Variants in PIP5K1B observed in about 807,000 individuals in gnomAD.
PIP5K1B encodes phosphatidylinositol-4-phosphate 5-kinase type 1 beta.
PIP5K1B carries 42 observed loss-of-function variants against 67.0 expected under a neutral mutation model. That is an observed-to-expected ratio of 0.63 (90% CI 0.49 to 0.81). The LOEUF (loss-of-function observed/expected upper bound fraction) is 0.81. Among genes scored for constraint, PIP5K1B ranks in the 30% least tolerant of loss-of-function variants. PIP5K1B has a pLI of 0.00. For missense variants in PIP5K1B, 459 were observed against 646.3 expected, an observed-to-expected ratio of 0.71 and a Z score of 3.14; for synonymous variants, 214 against 231.4, an observed-to-expected ratio of 0.92 and a Z score of 0.68.
At chr9:68,854,951 A>G (rs1377508510) in intron 4 of PIP5K1B, among the ~76,000 whole-genome samples, 1 of 152,088 alleles carries the variant, frequency 6.6e-6, no homozygotes, top group East Asian at 1.9e-4. Context: ...TTATTTTTCT[A>G]AGTTAAGGAT....
At chr9:68,931,528 G>A (rs10781283) in intron 12 of PIP5K1B, among the ~76,000 whole-genome samples, 96,909 of 152,028 alleles carry the variant, frequency 0.64, 34,597 homozygotes, top group Non-Finnish European at 0.78. Flanking sequence ...ATGGGTACGC[G>A]GAGAGAAATA....
At position 68,894,468 on chromosome 9, in the gene PIP5K1B, A is replaced by T; in HGVS notation, c.601A>T (p.Thr201Ser). 1.2e-6 allele frequency: 2 copies of T among 1,614,174 alleles called. No individual in the cohort carries two copies. Among genetic ancestry groups the T allele is most frequent in the Non-Finnish European group, 1.7e-6 (2 of 1,180,008 alleles). ...GCCACGCTCCATGAGAATGCACTTTACATATGACTTGAAAGGCTCAACGTA... is the reference window on the plus strand; with the variant it reads ...GCCACGCTCCATGAGAATGCACTTTTCATATGACTTGAAAGGCTCAACGTA... Reference protein sequence around the residue: ...VLPRSMRMHFTYDLKGSTYKR... With the variant: ...VLPRSMRMHFSYDLKGSTYKR... Residue 201 changes from threonine (T) to serine (S), a missense_variant, in exon 8 of 16, where the codon ACA becomes TCA. This residue lies in a region of PIP5K1B where 290 missense variants were observed against 474.4 expected (regional missense o/e 0.61). Transcript: ENST00000265382.
intron 14 of PIP5K1B, among the ~76,000 whole-genome samples, chr9:68,955,818 T>G (rs1828357810): frequency 1.3e-5 from 2 of 152,256 alleles, no homozygotes; most frequent in South Asian, 4.1e-4. Context: ...TACCATTAAT[T>G]CATGCACATT....
chr9:68,933,237 A>G (rs954264271), intron 12 of PIP5K1B, among the ~76,000 whole-genome samples: 2 of 152,166 alleles, frequency 1.3e-5, no homozygotes, highest in African/African-American at 2.4e-5. Context: ...ATGTATACCT[A>G]TGTAACAAAC....
intron 3 of PIP5K1B, among the ~76,000 whole-genome samples, chr9:68,818,899 T>G (rs971485918): frequency 6.6e-6 from 1 of 152,218 alleles, no homozygotes; most frequent in African/African-American, 2.4e-5. Flanking sequence ...GCATTTATAA[T>G]CCCATCATCT....
chr9:68,910,030 G>A (rs775670066), intron 8 of PIP5K1B, among the ~76,000 whole-genome samples: 7 of 152,136 alleles, frequency 4.6e-5, no homozygotes, highest in Non-Finnish European at 1.0e-4. Context: ...AACTAAGAAG[G>A]CCTTGAGATG....
chr9:68,991,793 G>T (rs1830375926), intron 15 of PIP5K1B, among the ~76,000 whole-genome samples: 1 of 152,190 alleles, frequency 6.6e-6, no homozygotes, highest in Non-Finnish European at 1.5e-5. Context: ...TTACAAGGCT[G>T]CTTTGAGGAT....
intron 2 of PIP5K1B, among the ~76,000 whole-genome samples, chr9:68,811,956 G>A (rs538025708): frequency 5.3e-5 from 8 of 152,306 alleles, no homozygotes; most frequent in Admixed American, 1.3e-4. Context: ...GTTTCAGTGT[G>A]TGGCCCCAGA....
chr9:68,965,892 TG>T (rs1246889583), intron 14 of PIP5K1B, among the ~76,000 whole-genome samples: 1 of 149,660 alleles, frequency 6.7e-6, no homozygotes, highest in African/African-American at 2.5e-5. Context: ...GAGAATCGCT[TG>T]AACCCAGGAG....
intron 14 of PIP5K1B, among the ~76,000 whole-genome samples, chr9:68,989,094 C>CAAAA (rs71353097): frequency 0.038 from 2,109 of 55,924 alleles, 386 homozygotes; most frequent in East Asian, 0.15. Flanking sequence ...GACTCCGTCT[C>CAAAA]AAAAAAAAAA....
chr9:68,752,203 T>C (rs1829667009), intron 2 of PIP5K1B, among the ~76,000 whole-genome samples: 1 of 152,236 alleles, frequency 6.6e-6, no homozygotes, highest in South Asian at 2.1e-4. Context: ...TTGCCCATAG[T>C]AGGTGCCCAA....
At chr9:68,825,602 A>G (rs558136474) in intron 4 of PIP5K1B, among the ~76,000 whole-genome samples, 3 of 152,316 alleles carry the variant, frequency 2.0e-5, no homozygotes, top group Admixed American at 1.3e-4. Context: ...CAGATTTACT[A>G]AGAAGCTTTG....
intron 1 of PIP5K1B, among the ~76,000 whole-genome samples, chr9:68,721,113 G>A (rs1291681249): frequency 6.6e-6 from 1 of 152,156 alleles, no homozygotes; most frequent in East Asian, 1.9e-4. Context: ...TATCGGGCCA[G>A]ACCATCGACA....
chr9:68,865,334 T>C (rs1346434784), intron 5 of PIP5K1B, among the ~76,000 whole-genome samples: 3 of 152,204 alleles, frequency 2.0e-5, no homozygotes, highest in African/African-American at 4.8e-5. Flanking sequence ...TACATGTTTT[T>C]CTCTTAAAAG....
chr9:68,978,187 A>G (rs567842634), intron 14 of PIP5K1B, among the ~76,000 whole-genome samples: 2 of 152,306 alleles, frequency 1.3e-5, no homozygotes, highest in Admixed American at 6.5e-5. Flanking sequence ...TCTCAAGTAC[A>G]CAATACGTGA....
intron 4 of PIP5K1B, among the ~76,000 whole-genome samples, chr9:68,860,470 C>T (rs1823005202): frequency 6.6e-6 from 1 of 152,196 alleles, no homozygotes; most frequent in Non-Finnish European, 1.5e-5. Context: ...TTTTCCTTGG[C>T]TTACCCGTGG....
chr9:68,927,548 T>A (rs552261674), intron 12 of PIP5K1B, among the ~76,000 whole-genome samples: 21 of 152,360 alleles, frequency 1.4e-4, no homozygotes, highest in Non-Finnish European at 2.2e-4. Context: ...TTGTATGTGC[T>A]TATTAGCAAT....
At position 68,791,220 on chromosome 9, in the gene PIP5K1B, A is replaced by G. The variant is rs545328610; in HGVS notation, c.-85-27241A>G. On this transcript the variant is annotated intron_variant, in intron 2 of 15. Coordinates refer to ENST00000265382, the MANE Select transcript of PIP5K1B (RefSeq NM_003558.4). ...GAGGTAATCGCTCCTGGGATTCGGC[A>G]ATCCATCTCCCTTGCTTTAAGGACA... is the stretch of plus-strand genomic sequence containing the variant. Among the ~76,000 whole-genome samples the G allele has an allele frequency of 1.3e-4, 20 of 152,362 alleles. No individual in the cohort carries two copies. In the South Asian group the frequency reaches 4.1e-3, roughly 32 times the overall value.
intron 15 of PIP5K1B, among the ~76,000 whole-genome samples, chr9:69,000,400 T>G (rs990032177): frequency 3.3e-5 from 5 of 152,102 alleles, no homozygotes; most frequent in African/African-American, 1.2e-4. Context: ...TCCCAGTGGT[T>G]GCTATTTTAT....
Sources: allele counts gnomAD v4.1 joint callset (sites outside exome capture counted in the v4.1 genomes callset), GRCh38; gene constraint gnomAD v4.1.1; regional missense constraint gnomAD v4.1.1; transcripts MANE v1.5; gene names NCBI Gene and HGNC (gene_info 2026-07-23, HGNC 2026-07-21).